DIAPH3: variants seen among roughly 807,000 people sequenced by gnomAD.
The protein encoded by DIAPH3 is diaphanous related formin 3.
In DIAPH3, 117 loss-of-function variants were observed where a neutral mutation model predicts 144.3. The observed-to-expected ratio is 0.81, with a 90% CI of 0.70 to 0.95. DIAPH3 has a LOEUF of 0.95. Ranked by LOEUF, DIAPH3 falls within the 40% of genes least tolerant of loss-of-function variation. The pLI, the probability that DIAPH3 is intolerant of heterozygous loss-of-function variation, is 0.00. For missense variants in DIAPH3, 1,421 were observed against 1,412.7 expected (o/e 1.01, Z -0.09); for synonymous variants, 519 against 488.9 (o/e 1.06, Z -0.81).
intron 2 of DIAPH3, among the ~76,000 whole-genome samples, chr13:60,120,276 T>C (rs1316954443): frequency 6.6e-6 from 1 of 152,198 alleles, no homozygotes; most frequent in Admixed American, 6.5e-5. Context: ...TGTATCACTG[T>C]GGAGAGAAAA....
chr13:59,819,961 G>A (rs779324961), intron 24 of DIAPH3, among the ~76,000 whole-genome samples: 1 of 151,742 alleles, frequency 6.6e-6, no homozygotes, highest in Non-Finnish European at 1.5e-5. Context: ...AGAAATAAAT[G>A]AAATAATGCA....
intron 27 of DIAPH3, among the ~76,000 whole-genome samples, chr13:59,688,218 T>C (rs1394042529): frequency 4.6e-5 from 7 of 152,086 alleles, no homozygotes; most frequent in Admixed American, 2.6e-4. Flanking sequence ...GCTTGATAAA[T>C]TGTTTCAAAG....
intron 4 of DIAPH3, among the ~76,000 whole-genome samples, chr13:60,062,393 A>G (rs2056808453): frequency 6.6e-6 from 1 of 152,190 alleles, no homozygotes; most frequent in African/African-American, 2.4e-5. Context: ...CTGGAAATAC[A>G]TGCTTGGGAA....
chr13:59,964,132 T>C (rs1252869674), intron 17 of DIAPH3, among the ~76,000 whole-genome samples: 1 of 151,988 alleles, frequency 6.6e-6, no homozygotes, highest in East Asian at 1.9e-4. Context: ...ATAACAACAA[T>C]GAAATGTAAC....
At chr13:59,806,199 T>TA (rs2040183388) in intron 25 of DIAPH3, among the ~76,000 whole-genome samples, 1 of 151,984 alleles carries the variant, frequency 6.6e-6, no homozygotes, top group Non-Finnish European at 1.5e-5. Context: ...CCCAGTGAGG[T>TA]AACAAAACAC....
intron 27 of DIAPH3, among the ~76,000 whole-genome samples, chr13:59,689,957 G>T (rs1186787335): frequency 6.6e-6 from 1 of 152,008 alleles, no homozygotes; most frequent in Non-Finnish European, 1.5e-5. Flanking sequence ...CAGACATCCA[G>T]ATTAAAAGAA....
At chr13:59,812,188 A>G (rs2040512824) in intron 24 of DIAPH3, among the ~76,000 whole-genome samples, 2 of 152,112 alleles carry the variant, frequency 1.3e-5, no homozygotes, top group African/African-American at 4.8e-5. Flanking sequence ...AATATTTTTG[A>G]CCAACAACAA....
At chr13:59,785,668 A>G (rs567286370) in intron 25 of DIAPH3, among the ~76,000 whole-genome samples, 1 of 152,322 alleles carries the variant, frequency 6.6e-6, no homozygotes, top group South Asian at 2.1e-4. Context: ...TGATTAGTCA[A>G]TGCAACACAT....
chr13:60,024,698 C>T (rs1011683226), intron 5 of DIAPH3, among the ~76,000 whole-genome samples: 1 of 152,048 alleles, frequency 6.6e-6, no homozygotes. Context: ...TTTGGGATAT[C>T]GTGTTATAAG....
chr13:59,969,861 A>C, intron 17 of DIAPH3, 83 bp downstream of exon 17: 1 of 853,006 alleles, frequency 1.2e-6, no homozygotes. Context: ...TCATAAAATA[A>C]TGTTTTCTGA....
chr13:59,726,202 T>C (rs979991025), intron 27 of DIAPH3, among the ~76,000 whole-genome samples: 1 of 152,220 alleles, frequency 6.6e-6, no homozygotes, highest in Non-Finnish European at 1.5e-5. Flanking sequence ...TCTATTTCCA[T>C]ATAATTCATA....
chr13:59,732,941 T>C (rs1817807450), intron 27 of DIAPH3, among the ~76,000 whole-genome samples: 1 of 152,162 alleles, frequency 6.6e-6, no homozygotes, highest in South Asian at 2.1e-4. Context: ...ATACATCACC[T>C]GTAGTACAGG....
chr13:60,011,645 G>A (rs1295168738), intron 7 of DIAPH3, among the ~76,000 whole-genome samples: 1 of 152,084 alleles, frequency 6.6e-6, no homozygotes, highest in Non-Finnish European at 1.5e-5. Context: ...ATGCTCAGAA[G>A]CCACATGTAG....
intron 23 of DIAPH3, among the ~76,000 whole-genome samples, chr13:59,836,993 C>A (rs1593610957): frequency 6.6e-6 from 1 of 151,944 alleles, no homozygotes; most frequent in East Asian, 1.9e-4. Context: ...CATGTCAGTC[C>A]TAATTAATGT....
chr13:59,877,779 C>T (rs555294512), intron 21 of DIAPH3, among the ~76,000 whole-genome samples: 2 of 151,994 alleles, frequency 1.3e-5, no homozygotes, highest in Non-Finnish European at 2.9e-5. Flanking sequence ...TAGCCCCACT[C>T]CTTTCCCATC....
intron 5 of DIAPH3, among the ~76,000 whole-genome samples, chr13:60,041,407 C>G (rs75172390): frequency 0.013 from 1,946 of 152,244 alleles, 37 homozygotes; most frequent in African/African-American, 0.044. Context: ...AGTCTGCAGT[C>G]TAGAGGACAG....
At chr13:59,725,656 T>G (rs1566227058) in intron 27 of DIAPH3, among the ~76,000 whole-genome samples, 1 of 152,196 alleles carries the variant, frequency 6.6e-6, no homozygotes, top group Admixed American at 6.5e-5. Context: ...GCTTTTTAGT[T>G]ACAACAGTGT....
rs532906503 is a variant in DIAPH3, at chr13:59,980,578, C to T, written c.1545+217G>A. Among the ~76,000 whole-genome samples the T allele has an allele frequency of 2.6e-5, 4 of 151,476 alleles. No homozygotes were observed. The East Asian group carries it at 7.8e-4, about 29-fold the overall frequency. ...CATGTGAGATGATGATAAATACATT[C>T]AAAGAAAAATAAGGAAAGAAGAATA... On this transcript the variant is annotated intron_variant, in intron 14 of 27. Transcript: ENST00000400324.
chr13:59,840,695 G>C (rs771038869), intron 22 of DIAPH3, among the ~76,000 whole-genome samples: 11 of 151,934 alleles, frequency 7.2e-5, no homozygotes, highest in Non-Finnish European at 2.9e-5. Flanking sequence ...TCCAATGATT[G>C]AACTCTTCCG....
Sources: allele counts gnomAD v4.1 joint callset (sites outside exome capture counted in the v4.1 genomes callset), GRCh38; gene constraint gnomAD v4.1.1; transcripts MANE v1.5; gene names NCBI Gene and HGNC (gene_info 2026-07-23, HGNC 2026-07-21).